The following SLC39A14 variants were observed in gnomAD, a reference collection of about 807,000 sequenced individuals.
The protein encoded by SLC39A14 is solute carrier family 39 member 14, also known as metal cation symporter ZIP14.
Under a neutral mutation model 45.5 loss-of-function variants are expected in SLC39A14, and 19 were observed. That is an observed-to-expected ratio of 0.42 (90% CI 0.29 to 0.61). The LOEUF (loss-of-function observed/expected upper bound fraction) is 0.61. Ranked by LOEUF, SLC39A14 falls within the 20% of genes least tolerant of loss-of-function variation. The pLI, the probability that SLC39A14 is intolerant of heterozygous loss-of-function variation, is 0.22. For synonymous variants in SLC39A14, 264 were observed against 251.3 expected (o/e 1.05, Z -0.48); for missense variants, 447 against 616.5 (o/e 0.73, Z 2.91).
downstream of SLC39A14, among the ~76,000 whole-genome samples, chr8:22,425,692 G>C (rs1836372207): frequency 2.0e-5 from 3 of 152,010 alleles, no homozygotes; most frequent in Non-Finnish European, 4.4e-5. Flanking sequence ...CTTTTCAGGA[G>C]TTTTTTGTTT....
chr8:22,375,491 C>CT (rs1006104218), intron 1 of SLC39A14, among the ~76,000 whole-genome samples: 5,654 of 145,146 alleles, frequency 0.039, 348 homozygotes, highest in African/African-American at 0.13. Flanking sequence ...ATGGCTGTAT[C>CT]TTTTTTTTTT....
At position 22,391,857 on chromosome 8, in the gene SLC39A14, C is replaced by T. The variant is rs146920234; in HGVS notation, c.-15-12839C>T. Among the ~76,000 whole-genome samples the T allele has an allele frequency of 8.6e-3, 1,308 of 152,196 alleles. 16 individuals are homozygous for T. The highest frequency in any genetic ancestry group is 0.03 in the African/African-American group (1,246 of 41,548). On this transcript the variant is annotated intron_variant, in intron 1 of 8. Coordinates refer to ENST00000381237, the MANE Select transcript of SLC39A14 (RefSeq NM_001128431.4). ...TGCTGGGATTACGGGCATGAGCCAC[C>T]GCTCCCGGCCAGGGCTCCCTGTTCT...
chr8:22,431,568 T>C (rs1168052262), intron 8 of SLC39A14, among the ~76,000 whole-genome samples: 1 of 152,182 alleles, frequency 6.6e-6, no homozygotes, highest in African/African-American at 2.4e-5. Flanking sequence ...TAATCAAGGT[T>C]TAGGAAGCGC....
chr8:22,373,769 T>TG (rs1195706067), intron 1 of SLC39A14, among the ~76,000 whole-genome samples: 1 of 151,510 alleles, frequency 6.6e-6, no homozygotes, highest in Non-Finnish European at 1.5e-5. Context: ...TTTCTCGTTT[T>TG]TTTTTTTTTT....
chr8:22,409,758 AT>A (rs1835457932), intron 3 of SLC39A14, among the ~76,000 whole-genome samples: 1 of 152,130 alleles, frequency 6.6e-6, no homozygotes, highest in Non-Finnish European at 1.5e-5. Context: ...TTGGATAGCA[AT>A]TTTGATAGTT....
downstream of SLC39A14, among the ~76,000 whole-genome samples, chr8:22,426,939 C>T (rs1563638280): frequency 6.6e-6 from 1 of 151,930 alleles, no homozygotes. Flanking sequence ...CCCACTATGG[C>T]CTCCCAAAGT....
chr8:22,409,898 C>T (rs878984407), intron 3 of SLC39A14: 1 of 1,605,992 alleles, frequency 6.2e-7, no homozygotes, highest in African/African-American at 1.3e-5. Context: ...GCAGGAGTGT[C>T]CCCACCCTCA....
At chr8:22,415,092 G>A (rs1835795249) in intron 5 of SLC39A14, 190 bp downstream of exon 5, 1 of 624,686 alleles carries the variant, frequency 1.6e-6, no homozygotes, top group East Asian at 3.0e-5. Flanking sequence ...GGCCAGACCA[G>A]AAACTAGATC....
chr8:22,386,139 C>T (rs1192566994), intron 1 of SLC39A14, among the ~76,000 whole-genome samples: 1 of 151,894 alleles, frequency 6.6e-6, no homozygotes, highest in Non-Finnish European at 1.5e-5. Context: ...GACGGGGTTT[C>T]ATTATATGTT....
At position 22,387,385 on chromosome 8, in the gene SLC39A14, G is replaced by C. The variant is rs150986892; in HGVS notation, c.-15-17311G>C. Among the ~76,000 whole-genome samples the C allele has an allele frequency of 3.3e-5, 5 of 152,232 alleles. 1 individual carries two copies. In the East Asian group the frequency reaches 9.6e-4, roughly 29 times the overall value. On this transcript the variant is annotated intron_variant, in intron 1 of 8. Transcript: ENST00000381237. Reference sequence around the variant, plus strand: ...CGAGTTGCAAGCTAAAAGCAGAAACGCTTTGTGGCAATCGATTGCTCCCTG... The same window carrying C: ...CGAGTTGCAAGCTAAAAGCAGAAACCCTTTGTGGCAATCGATTGCTCCCTG...
rs1406933106 is a variant in SLC39A14 at position 22,421,210 on chromosome 8, C to G, written c.*1512C>G. On this transcript the variant is annotated 3_prime_UTR_variant, in exon 9 of 9. Coordinates refer to ENST00000381237, the MANE Select transcript of SLC39A14 (RefSeq NM_001128431.4). ...CAAACTGATTCATGTGCATGGCTGA[C>G]AGGAGTACTGGTTCACTACCAATGC... 4.1e-6 allele frequency: 4 copies of G among 985,688 alleles called. No individual in the cohort carries two copies. In the African/African-American group the frequency reaches 5.2e-5, roughly 13 times the overall value. 61.1% of individuals were successfully genotyped at this position (985,688 alleles called of 1,614,324 possible).
At chr8:22,402,241 C>T (rs911633922) in intron 1 of SLC39A14, among the ~76,000 whole-genome samples, 5 of 151,942 alleles carry the variant, frequency 3.3e-5, no homozygotes, top group African/African-American at 4.8e-5. Flanking sequence ...CAAAATTAGC[C>T]GGGCGTGGTG....
At chr8:22,392,568 T>TGGA (rs1016189107) in intron 1 of SLC39A14, among the ~76,000 whole-genome samples, 1 of 152,220 alleles carries the variant, frequency 6.6e-6, no homozygotes, top group Non-Finnish European at 1.5e-5. Flanking sequence ...GGAGTGAACT[T>TGGA]GGACGACAGG....
chr8:22,381,613 A>G (rs998524029), intron 1 of SLC39A14, among the ~76,000 whole-genome samples: 10 of 152,212 alleles, frequency 6.6e-5, no homozygotes, highest in African/African-American at 2.2e-4. Flanking sequence ...GTATATGCCT[A>G]TACTTTCAGG....
Position 22,385,343 on chromosome 8 carries a change from G to A in SLC39A14, c.-16+17935G>A, listed in dbSNP as rs568214421. On this transcript the variant is annotated intron_variant, in intron 1 of 8. Coordinates refer to ENST00000381237, the MANE Select transcript of SLC39A14 (RefSeq NM_001128431.4). The stretch of plus-strand genomic sequence containing the variant: ...TGGGGATGGACACCAGGTACTACCC[G>A]GCCCTCCAGTCTCTGCCCTCCTGGA... Among the ~76,000 whole-genome samples, 8 of 152,284 alleles carry A rather than the reference G, an allele frequency of 5.3e-5. No individual in the cohort carries two copies. The East Asian group carries it at 1.4e-3, about 26-fold the overall frequency.
At chr8:22,372,248 T>C (rs1359709611) in intron 1 of SLC39A14, among the ~76,000 whole-genome samples, 1 of 152,144 alleles carries the variant, frequency 6.6e-6, no homozygotes, top group Non-Finnish European at 1.5e-5. Flanking sequence ...GGCTCCGTAT[T>C]CACATAGTTG....
chr8:22,387,920 A>G (rs1261067194), intron 1 of SLC39A14, among the ~76,000 whole-genome samples: 1 of 152,246 alleles, frequency 6.6e-6, no homozygotes, highest in Non-Finnish European at 1.5e-5. Context: ...CAACATGGAG[A>G]AACCCCGTCT....
At chr8:22,413,161 A>T (rs75454403) in intron 4 of SLC39A14, among the ~76,000 whole-genome samples, 1,889 of 152,312 alleles carry the variant, frequency 0.012, 36 homozygotes, top group African/African-American at 0.043. Flanking sequence ...CCCATTAATT[A>T]CAATAAGCAC....
intron 1 of SLC39A14, among the ~76,000 whole-genome samples, chr8:22,385,681 G>A (rs1833755155): frequency 6.6e-6 from 1 of 152,140 alleles, no homozygotes; most frequent in African/African-American, 2.4e-5. Flanking sequence ...GTGGTCTATA[G>A]ACCAGGAAGA....
Sources: gnomAD v4.1 joint callset for allele counts (sites outside exome capture counted in the v4.1 genomes callset) on GRCh38, gnomAD v4.1.1 for gene constraint, MANE v1.5 for transcripts, NCBI Gene and HGNC (gene_info 2026-07-23, HGNC 2026-07-21) for gene names.